Variants in ZEB1 observed in about 807,000 individuals in gnomAD.
The protein encoded by ZEB1 is zinc finger E-box-binding homeobox 1.
In ZEB1, 21 loss-of-function variants were observed where a neutral mutation model predicts 84.9. That is an observed-to-expected ratio of 0.25 (90% CI 0.18 to 0.36). ZEB1 has a LOEUF of 0.36. ZEB1 is among the 10% of genes least tolerant of loss of function. The pLI is 1.00. For missense variants in ZEB1, 1,104 were observed against 1,330.2 expected (o/e 0.83, Z 2.65); for synonymous variants, 420 against 471.1 (o/e 0.89, Z 1.41).
At chr10:31,324,661 A>G (rs566431339) in intron 1 of ZEB1, among the ~76,000 whole-genome samples, 1 of 152,184 alleles carries the variant, frequency 6.6e-6, no homozygotes, top group African/African-American at 2.4e-5. Flanking sequence ...TTTATGTGGA[A>G]ATGCATGCTC....
chr10:31,393,721 A>T (rs1437336385), intron 1 of ZEB1, among the ~76,000 whole-genome samples: 2 of 152,206 alleles, frequency 1.3e-5, no homozygotes, highest in Non-Finnish European at 2.9e-5. Flanking sequence ...ATTACCATAG[A>T]TATTGTTTAA....
chr10:31,335,010 C>CT (rs1205007155), intron 1 of ZEB1, among the ~76,000 whole-genome samples: 2 of 151,852 alleles, frequency 1.3e-5, no homozygotes, highest in East Asian at 1.9e-4. Context: ...CTGTCCCCAA[C>CT]TTTTTTTTAC....
intron 1 of ZEB1, among the ~76,000 whole-genome samples, chr10:31,415,301 G>A (rs931079432): frequency 6.6e-6 from 1 of 152,066 alleles, no homozygotes; most frequent in African/African-American, 2.4e-5. Flanking sequence ...GATACCCTAA[G>A]AATTCTAGCT....
In ZEB1 at chr10:31,502,345, T is replaced by C; in HGVS notation, c.323-3T>C. On this transcript the variant is annotated splice_polypyrimidine_tract_variant and splice_region_variant and intron_variant, in intron 3 of 8. Transcript: ENST00000424869. ...CTGTCTTAAAAGTATGCATTTTTTT[T>C]AGTAAAAGATGATGAATGCGAGTCA... is the stretch of plus-strand genomic sequence containing the variant. 6.2e-7 allele frequency: 1 copy of C among 1,613,592 alleles called. No homozygotes were observed. The highest frequency in any genetic ancestry group is 8.5e-7 in the Non-Finnish European group (1 of 1,179,646).
intron 1 of ZEB1, among the ~76,000 whole-genome samples, chr10:31,405,399 A>G (rs1048275015): frequency 1.3e-5 from 2 of 152,148 alleles, no homozygotes; most frequent in Admixed American, 6.5e-5. Flanking sequence ...GTATGTCTGA[A>G]TTACCTACTA....
chr10:31,523,169 C>T (rs751037191), intron 7 of ZEB1, among the ~76,000 whole-genome samples: 1 of 152,202 alleles, frequency 6.6e-6, no homozygotes, highest in African/African-American at 2.4e-5. Context: ...TGGCGTGGAA[C>T]ACTCTAGATA....
intron 3 of ZEB1, among the ~76,000 whole-genome samples, chr10:31,497,899 G>A (rs756765264): frequency 4.0e-5 from 6 of 151,050 alleles, no homozygotes; most frequent in Non-Finnish European, 7.4e-5. Flanking sequence ...GAGGAAGCCT[G>A]AGGATACTTT....
chr10:31,426,786 A>G (rs1415423932), intron 1 of ZEB1, among the ~76,000 whole-genome samples: 2 of 152,210 alleles, frequency 1.3e-5, no homozygotes, highest in Non-Finnish European at 2.9e-5. Flanking sequence ...AGGCAAGATT[A>G]TATAACATAG....
chr10:31,423,042 G>GTA (rs1022067433), intron 1 of ZEB1, among the ~76,000 whole-genome samples: 72 of 151,426 alleles, frequency 4.8e-4, no homozygotes, highest in Middle Eastern at 3.4e-3. Context: ...TGGTGTGTGT[G>GTA]TATATATATA....
chr10:31,324,257 T>C (rs1408731155), intron 1 of ZEB1, among the ~76,000 whole-genome samples: 1 of 152,054 alleles, frequency 6.6e-6, no homozygotes, highest in African/African-American at 2.4e-5. Flanking sequence ...CTCTAGTCTC[T>C]AGTATGTTTG....
intron 1 of ZEB1, among the ~76,000 whole-genome samples, chr10:31,322,770 G>GTTTTT: frequency 6.7e-6 from 1 of 149,512 alleles, no homozygotes. Flanking sequence ...TTTTGAGAGA[G>GTTTTT]AGATGTACTC....
chr10:31,328,579 C>T (rs2036090587), intron 1 of ZEB1, among the ~76,000 whole-genome samples: 1 of 152,090 alleles, frequency 6.6e-6, no homozygotes, highest in African/African-American at 2.4e-5. Flanking sequence ...GTTTGTGTAA[C>T]TTTGACATTT....
intron 1 of ZEB1, among the ~76,000 whole-genome samples, chr10:31,443,536 A>T (rs922586353): frequency 6.8e-6 from 1 of 147,166 alleles, no homozygotes; most frequent in African/African-American, 2.5e-5. Context: ...AGCATTAGGT[A>T]TATCTCCCAA....
At chr10:31,441,194 G>T (rs986320623) in intron 1 of ZEB1, among the ~76,000 whole-genome samples, 18 of 152,240 alleles carry the variant, frequency 1.2e-4, no homozygotes, top group South Asian at 4.1e-4. Context: ...GCATGGTACT[G>T]GTACCAAAAC....
intron 1 of ZEB1, among the ~76,000 whole-genome samples, chr10:31,353,767 C>G (rs2041680647): frequency 1.3e-5 from 2 of 152,134 alleles, no homozygotes; most frequent in African/African-American, 2.4e-5. Context: ...TCATTAGTCA[C>G]CAGCACCACC....
intron 1 of ZEB1, among the ~76,000 whole-genome samples, chr10:31,428,262 C>T (rs961166174): frequency 1.3e-5 from 2 of 152,112 alleles, no homozygotes; most frequent in Non-Finnish European, 2.9e-5. Context: ...GGTACATTGT[C>T]TCTTTGTTCC....
rs1453156677 is a variant in ZEB1 at position 31,520,953 on chromosome 10, G to C, written c.1621G>C (p.Asp541His). The C allele has an allele frequency of 6.2e-7, 1 of 1,614,110 alleles. No individual in the cohort carries two copies. The highest frequency in any genetic ancestry group is 8.5e-7 in the Non-Finnish European group (1 of 1,180,002). ...TCTTCTGTGTGATGATTGTCCAGGA[G>C]ATATTAATGCACTTCCAGAATTAAA... ...TCLLCDDCPG[D>H]INALPELKHY... is the part of the protein sequence containing the mutation. Residue 541 changes from aspartate (D) to histidine (H), a missense_variant, in exon 7 of 9, where the codon GAT becomes CAT. Asp to His is a moderately conservative substitution (Grantham distance 81). This residue lies in a region of ZEB1 where 531 missense variants were observed against 575.2 expected (regional missense o/e 0.92). Transcript: ENST00000424869. The surrounding 1 kb of genome is among the most constrained non-coding windows in gnomAD (Gnocchi z 5.1).
upstream of ZEB1, chr10:31,318,611 G>T (rs1481349434): frequency 2.6e-5 from 4 of 153,030 alleles, no homozygotes; most frequent in African/African-American, 9.7e-5. Flanking sequence ...GCGTGTCCTC[G>T]CCGTCCCCAA....
chr10:31,447,777 G>C (rs1198852025), intron 1 of ZEB1, among the ~76,000 whole-genome samples: 1 of 152,188 alleles, frequency 6.6e-6, no homozygotes, highest in Non-Finnish European at 1.5e-5. Context: ...TCTGCCGAGA[G>C]ATCAGCTGTT....
Sources: allele counts gnomAD v4.1 joint callset (sites outside exome capture counted in the v4.1 genomes callset), GRCh38; gene constraint gnomAD v4.1.1; regional missense constraint gnomAD v4.1.1; non-coding constraint Gnocchi (gnomAD v3.1); transcripts MANE v1.5; gene names NCBI Gene and HGNC (gene_info 2026-07-23, HGNC 2026-07-21).